The following WWP2 variants were observed in gnomAD, a reference collection of about 807,000 sequenced individuals.
WWP2 encodes the protein WW domain containing E3 ubiquitin protein ligase 2.
Under a neutral mutation model 121.0 loss-of-function variants are expected in WWP2, and 57 were observed. That is an observed-to-expected ratio of 0.47 (90% confidence interval 0.38 to 0.59). The LOEUF (loss-of-function observed/expected upper bound fraction) is 0.59, where lower values mean the gene tolerates loss of function less well. Among genes scored for constraint, WWP2 ranks in the 20% least tolerant of loss-of-function variants. WWP2 has a pLI of 0.00. For synonymous variants in WWP2, 449 were observed against 441.3 expected (o/e 1.02, Z -0.22); for missense variants, 962 against 1,158.9 (o/e 0.83, Z 2.47).
chr16:69,846,364 T>A (rs375413528), intron 6 of WWP2, among the ~76,000 whole-genome samples: 3 of 152,186 alleles, frequency 2.0e-5, no homozygotes, highest in South Asian at 2.1e-4. Flanking sequence ...CGTAGAAAGT[T>A]GAAAAATGCA....
rs1342257024 is a variant in WWP2 at position 69,935,818 on chromosome 16, G to A, written c.1843-35G>A. On this transcript the variant is annotated intron_variant, in intron 17 of 23. Transcript: ENST00000359154. This position sits in a 1 kb window ranked among gnomAD's most constrained non-coding sequence, Gnocchi z 5.2. ...GCTGGTCTTGGCAGTGCCCAGGGAA[G>A]GCCAAACCTCTGTGCTGTGCCTCTT... The A allele has an allele frequency of 6.3e-7, 1 of 1,592,064 alleles. No homozygotes were observed. The highest frequency in any genetic ancestry group is 1.1e-5 in the South Asian group (1 of 86,996).
intron 1 of WWP2, among the ~76,000 whole-genome samples, chr16:69,769,173 C>T (rs540337077): frequency 6.6e-6 from 1 of 152,072 alleles, no homozygotes; most frequent in East Asian, 1.9e-4. Flanking sequence ...AAAAACTAGT[C>T]AGGCGTGGTG....
intron 8 of WWP2, among the ~76,000 whole-genome samples, chr16:69,897,768 T>G (rs2058129528): frequency 6.6e-6 from 1 of 151,344 alleles, no homozygotes; most frequent in Non-Finnish European, 1.5e-5. Context: ...ATTAGCCGGG[T>G]GTGGTGGCGC....
chr16:69,872,621 G>C (rs2057661639), intron 7 of WWP2, among the ~76,000 whole-genome samples: 1 of 152,188 alleles, frequency 6.6e-6, no homozygotes, highest in Non-Finnish European at 1.5e-5. Flanking sequence ...TCAGACTAAG[G>C]AAATGTAGGA....
Position 69,940,185 on chromosome 16 carries a change from A to G in WWP2, c.*245A>G. 1 of 548,416 alleles carries G rather than the reference A, an allele frequency of 1.8e-6. No homozygotes were observed. Among genetic ancestry groups the G allele is most frequent in the Non-Finnish European group, 3.3e-6 (1 of 307,544 alleles). 34.0% of individuals were successfully genotyped at this position (548,416 alleles called of 1,614,324 possible). On this transcript the variant is annotated 3_prime_UTR_variant, in exon 24 of 24. Transcript: ENST00000359154. ...TTTGGCCCCACCTTTGCAAAGTTCC[A>G]GAGGGCTGACCCTCTCTGCAAAACT...
chr16:69,841,735 T>C (rs987091618), intron 5 of WWP2, among the ~76,000 whole-genome samples: 4 of 152,210 alleles, frequency 2.6e-5, no homozygotes, highest in African/African-American at 9.6e-5. Flanking sequence ...CTCAGATTCA[T>C]TTAATGGATA....
intron 7 of WWP2, among the ~76,000 whole-genome samples, chr16:69,872,475 A>G (rs2057659412): frequency 6.6e-6 from 1 of 152,188 alleles, no homozygotes; most frequent in Admixed American, 6.5e-5. Context: ...TTGGCCTCCC[A>G]AAGTTCTGGG....
rs529727451 is a variant in WWP2 at position 69,940,604 on chromosome 16, A to C, written c.*664A>C. 1.3e-5 allele frequency: 2 copies of C among 152,478 alleles called. No homozygotes were observed. The highest frequency in any genetic ancestry group is 4.8e-5 in the African/African-American group (2 of 41,578). 9.4% of individuals were successfully genotyped at this position (152,478 alleles called of 1,614,324 possible). On this transcript the variant is annotated 3_prime_UTR_variant, in exon 24 of 24. Coordinates refer to ENST00000359154, the MANE Select transcript of WWP2 (RefSeq NM_001270454.2). Reference sequence around the variant, plus strand: ...CGGGACAAAAACAGCAAACTCCCTCAGACTTTGTCCATGTATAAACTTGAA... The same window carrying C: ...CGGGACAAAAACAGCAAACTCCCTCCGACTTTGTCCATGTATAAACTTGAA...
At chr16:69,813,880 A>G (rs534555937) in intron 4 of WWP2, among the ~76,000 whole-genome samples, 5 of 152,326 alleles carry the variant, frequency 3.3e-5, no homozygotes, top group South Asian at 2.1e-4. Flanking sequence ...TTGTCCCAAC[A>G]TAATCCAATA....
intron 1 of WWP2, among the ~76,000 whole-genome samples, chr16:69,779,959 C>T (rs2055628640): frequency 6.6e-6 from 1 of 152,072 alleles, no homozygotes; most frequent in African/African-American, 2.4e-5. Flanking sequence ...TCATAAAAAC[C>T]ACCATCTGGA....
chr16:69,936,668 G>A (rs1021068115), intron 19 of WWP2: 12 of 634,730 alleles, frequency 1.9e-5, no homozygotes, highest in African/African-American at 5.5e-5. Flanking sequence ...GTGCTTTTTC[G>A]CCATGTGGGA....
chr16:69,826,293 C>T (rs1336025442), intron 4 of WWP2, among the ~76,000 whole-genome samples: 5 of 149,722 alleles, frequency 3.3e-5, no homozygotes, highest in East Asian at 1.9e-4. Flanking sequence ...GTAGACCAGG[C>T]GCAGTGGCTT....
chr16:69,901,440 T>C (rs1474920367), intron 8 of WWP2, among the ~76,000 whole-genome samples: 1 of 152,078 alleles, frequency 6.6e-6, no homozygotes, highest in African/African-American at 2.4e-5. Flanking sequence ...TGAGATGGAG[T>C]CTTGCTCTGT....
intron 8 of WWP2, among the ~76,000 whole-genome samples, chr16:69,899,726 C>CAAAAAAA (rs35485826): frequency 1.1e-4 from 7 of 64,738 alleles, no homozygotes; most frequent in Admixed American, 4.4e-4. Context: ...GACTCCGTCT[C>CAAAAAAA]AAAAAAAAAA....
chr16:69,832,431 T>C (rs2056810587), intron 4 of WWP2, among the ~76,000 whole-genome samples: 1 of 152,206 alleles, frequency 6.6e-6, no homozygotes, highest in Admixed American at 6.6e-5. Flanking sequence ...CAACCCATGA[T>C]GCCAATTTCA....
intron 7 of WWP2, among the ~76,000 whole-genome samples, chr16:69,887,215 C>A (rs1273119839): frequency 6.6e-6 from 1 of 152,184 alleles, no homozygotes; most frequent in African/African-American, 2.4e-5. Context: ...TAGCTATGAG[C>A]CCTTCTTGCT....
chr16:69,883,915 G>A (rs1042807593), intron 7 of WWP2, among the ~76,000 whole-genome samples: 1 of 152,140 alleles, frequency 6.6e-6, no homozygotes, highest in Admixed American at 6.5e-5. Context: ...GGCATGCCAT[G>A]GGGGCTCTGC....
At position 69,931,210 on chromosome 16, in the gene WWP2, T is replaced by C; in HGVS notation, c.1504T>C (p.Phe502Leu). 6.2e-7 allele frequency: 1 copy of C among 1,614,178 alleles called. No individual in the cohort carries two copies. The highest frequency in any genetic ancestry group is 1.1e-5 in the South Asian group (1 of 91,078). ...CAGTTTTCGGTGGAAGTATCACCAGTTCCGTTTCCTCTGCCATGTGAGTTC... is the reference window on the plus strand; with the variant it reads ...CAGTTTTCGGTGGAAGTATCACCAGCTCCGTTTCCTCTGCCATGTGAGTTC... ...DRSFRWKYHQ[F>L]RFLCHSNALP... The change falls in exon 14 of 24, where the codon TTC (phenylalanine) becomes CTC (leucine). Residue 502 changes from phenylalanine (F) to leucine (L), a missense_variant. Physicochemically the swap from Phe to Leu is conservative, Grantham distance 22. Coordinates refer to ENST00000359154, the MANE Select transcript of WWP2 (RefSeq NM_001270454.2).
intron 2 of WWP2, among the ~76,000 whole-genome samples, chr16:69,794,380 T>C (rs1444184061): frequency 6.6e-6 from 1 of 152,074 alleles, no homozygotes; most frequent in Non-Finnish European, 1.5e-5. Flanking sequence ...AATACAAATA[T>C]GAGCCAGGCA....
Sources: gnomAD v4.1 joint callset for allele counts (sites outside exome capture counted in the v4.1 genomes callset) on GRCh38, gnomAD v4.1.1 for gene constraint, Gnocchi (gnomAD v3.1) non-coding constraint, MANE v1.5 for transcripts, NCBI Gene and HGNC (gene_info 2026-07-23, HGNC 2026-07-21) for gene names.